ANO2: variants seen among roughly 807,000 people sequenced by gnomAD.
The protein encoded by ANO2 is anoctamin 2.
ANO2 carries 101 observed loss-of-function variants against 124.2 expected under a neutral mutation model. The observed-to-expected ratio is 0.81, with a 90% CI of 0.69 to 0.96. The LOEUF (loss-of-function observed/expected upper bound fraction) is 0.96. ANO2 is among the 40% of genes least tolerant of loss of function. ANO2 has a pLI of 0.00. For synonymous variants in ANO2, 486 were observed against 482.5 expected (o/e 1.01, Z -0.09); for missense variants, 1,293 against 1,274.5 (o/e 1.01, Z -0.22).
chr12:5,802,822 T>A (rs541767313), intron 9 of ANO2, among the ~76,000 whole-genome samples: 1 of 152,220 alleles, frequency 6.6e-6, no homozygotes, highest in Non-Finnish European at 1.5e-5. Context: ...TCCTTCTTAA[T>A]GGACAGTGCC....
chr12:5,865,789 ACAAT>A (rs987104586), intron 3 of ANO2, among the ~76,000 whole-genome samples: 21 of 152,212 alleles, frequency 1.4e-4, no homozygotes, highest in African/African-American at 4.8e-4. Flanking sequence ...ATGCATTCAC[ACAAT>A]CATTCATTCA....
At chr12:5,857,686 A>G (rs780248587) in intron 3 of ANO2, among the ~76,000 whole-genome samples, 1 of 152,102 alleles carries the variant, frequency 6.6e-6, no homozygotes, top group Non-Finnish European at 1.5e-5. Flanking sequence ...TGAAGTGTTT[A>G]TTTAGATCCT....
At chr12:5,759,681 T>C (rs1951683717) in intron 10 of ANO2, among the ~76,000 whole-genome samples, 1 of 150,408 alleles carries the variant, frequency 6.6e-6, no homozygotes, top group African/African-American at 2.5e-5. Flanking sequence ...ATCCCAAAAC[T>C]ATTCTCCCAC....
chr12:5,620,685 C>T (rs1236259492), intron 16 of ANO2, among the ~76,000 whole-genome samples: 1 of 151,988 alleles, frequency 6.6e-6, no homozygotes, highest in African/African-American at 2.4e-5. Flanking sequence ...GAAAAGCCTT[C>T]CGTGATATTC....
Position 5,851,958 on chromosome 12 carries a change from T to C in ANO2, c.633+2085A>G, listed in dbSNP as rs988365230. 4.0e-6 allele frequency: 3 copies of C among 741,568 alleles called. No homozygotes were observed. The African/African-American group carries it at 5.1e-5, about 13-fold the overall frequency. 45.9% of individuals were successfully genotyped at this position (741,568 alleles called of 1,614,324 possible). ...CATGGGCATTAGAGTTTTGCTCACC[T>C]CCTTTCCAAGGATCAGCAGCAGAGA... On this transcript the variant is annotated intron_variant, in intron 4 of 24. Coordinates refer to ENST00000682330, the MANE Select transcript of ANO2 (RefSeq NM_001364791.2).
At chr12:5,920,240 A>G (rs749862732) in intron 3 of ANO2, among the ~76,000 whole-genome samples, 10 of 152,192 alleles carry the variant, frequency 6.6e-5, no homozygotes, top group Non-Finnish European at 1.3e-4. Context: ...TGTATGTCCC[A>G]ACTCAGTTTC....
chr12:5,782,281 T>C (rs1279740730), intron 10 of ANO2, among the ~76,000 whole-genome samples: 1 of 152,240 alleles, frequency 6.6e-6, no homozygotes, highest in Non-Finnish European at 1.5e-5. Context: ...TTAGCGTTTA[T>C]ATGGTAGAGC....
At chr12:5,579,393 C>T (rs186664831) in intron 20 of ANO2, among the ~76,000 whole-genome samples, 27 of 152,262 alleles carry the variant, frequency 1.8e-4, no homozygotes, top group African/African-American at 6.5e-4. Context: ...TAGAGTCCCT[C>T]AGCACAGTCT....
At chr12:5,600,867 A>G (rs1222533539) in intron 19 of ANO2, among the ~76,000 whole-genome samples, 1 of 151,988 alleles carries the variant, frequency 6.6e-6, no homozygotes, top group Non-Finnish European at 1.5e-5. Context: ...AGACCACCCA[A>G]CCCCTGTGTA....
At chr12:5,865,661 G>A (rs1047660610) in intron 3 of ANO2, among the ~76,000 whole-genome samples, 39 of 139,482 alleles carry the variant, frequency 2.8e-4, no homozygotes, top group Non-Finnish European at 4.9e-4. Context: ...ATGCATTCAC[G>A]CTATCGTGCA....
chr12:5,621,319 G>C (rs980203032), intron 16 of ANO2, among the ~76,000 whole-genome samples: 4 of 152,124 alleles, frequency 2.6e-5, no homozygotes, highest in African/African-American at 9.7e-5. Context: ...AAATGTGTTT[G>C]GAAGAATGAA....
chr12:5,800,182 T>C (rs1952996652), intron 9 of ANO2, among the ~76,000 whole-genome samples: 1 of 152,122 alleles, frequency 6.6e-6, no homozygotes. Flanking sequence ...AGTCTTCTTG[T>C]GCAAATGCCC....
chr12:5,670,986 G>T (rs1027565697), intron 14 of ANO2, among the ~76,000 whole-genome samples: 4 of 152,160 alleles, frequency 2.6e-5, no homozygotes, highest in African/African-American at 9.7e-5. Context: ...CTAGAGCCCA[G>T]GTTCCCTGCC....
At chr12:5,823,846 A>C (rs1953879057) in intron 7 of ANO2, among the ~76,000 whole-genome samples, 1 of 152,298 alleles carries the variant, frequency 6.6e-6, no homozygotes, top group East Asian at 1.9e-4. Context: ...GCGTTTCCAT[A>C]CATCTTCTGA....
At chr12:5,905,776 G>T (rs1940635608) in intron 3 of ANO2, among the ~76,000 whole-genome samples, 1 of 152,088 alleles carries the variant, frequency 6.6e-6, no homozygotes, top group Non-Finnish European at 1.5e-5. Flanking sequence ...AAAGAAGGAA[G>T]GGTGGAAAGA....
intron 23 of ANO2, among the ~76,000 whole-genome samples, chr12:5,568,984 T>C (rs377694819): frequency 2.0e-5 from 3 of 152,386 alleles, no homozygotes; most frequent in African/African-American, 7.2e-5. Flanking sequence ...GCAACTATTC[T>C]TTCTCTTTTT....
At chr12:5,596,913 A>C (rs1484260474) in intron 20 of ANO2, among the ~76,000 whole-genome samples, 1 of 152,100 alleles carries the variant, frequency 6.6e-6, no homozygotes, top group East Asian at 1.9e-4. Context: ...TACTCCTGAC[A>C]ATCCTATTAT....
At chr12:5,660,108 G>A (rs440899) in intron 14 of ANO2, among the ~76,000 whole-genome samples, 1 of 151,718 alleles carries the variant, frequency 6.6e-6, no homozygotes, top group Non-Finnish European at 1.5e-5. Context: ...ACAATTTTTC[G>A]ACTTTACAAC....
intron 10 of ANO2, among the ~76,000 whole-genome samples, chr12:5,759,164 A>AC (rs543579561): frequency 6.6e-6 from 1 of 151,264 alleles, no homozygotes; most frequent in East Asian, 1.9e-4. Context: ...AAAAAAAAAA[A>AC]AACAACAAAA....
Sources: gnomAD v4.1 joint callset for allele counts (sites outside exome capture counted in the v4.1 genomes callset) on GRCh38, gnomAD v4.1.1 for gene constraint, MANE v1.5 for transcripts, NCBI Gene and HGNC (gene_info 2026-07-23, HGNC 2026-07-21) for gene names.